Variants in CNTNAP2 observed in about 807,000 individuals in gnomAD.
CNTNAP2 encodes the protein contactin-associated protein-like 2.
A neutral mutation model predicts 155.2 loss-of-function variants in CNTNAP2; 98 were observed. That is an observed-to-expected ratio of 0.63 (90% CI 0.54 to 0.75). The LOEUF (loss-of-function observed/expected upper bound fraction) is 0.75. Among genes scored for constraint, CNTNAP2 ranks in the 30% least tolerant of loss-of-function variants. CNTNAP2 has a pLI of 0.00. For missense variants in CNTNAP2, 1,727 were observed against 1,688.1 expected (o/e 1.02, Z -0.40); for synonymous variants, 651 against 631.2 (o/e 1.03, Z -0.47).
intron 9 of CNTNAP2, among the ~76,000 whole-genome samples, chr7:147,339,485 G>C (rs1795722404): frequency 6.6e-6 from 1 of 152,140 alleles, no homozygotes; most frequent in Non-Finnish European, 1.5e-5. Context: ...CAGCTGCCCA[G>C]TCTTGAACTT....
intron 8 of CNTNAP2, 115 bp downstream of exon 8, chr7:147,132,624 G>T: frequency 7.4e-7 from 1 of 1,357,518 alleles, no homozygotes. Flanking sequence ...TTTTAATTCA[G>T]ATCTTCAAGA....
chr7:147,831,262 T>C (rs1466544976), intron 13 of CNTNAP2, among the ~76,000 whole-genome samples: 1 of 152,216 alleles, frequency 6.6e-6, no homozygotes, highest in African/African-American at 2.4e-5. Flanking sequence ...GGAAAAACCA[T>C]ATTTTAATAA....
chr7:147,359,710 A>G (rs1277304855), intron 9 of CNTNAP2, among the ~76,000 whole-genome samples: 1 of 152,098 alleles, frequency 6.6e-6, no homozygotes, highest in African/African-American at 2.4e-5. Context: ...GTCTTCTCTT[A>G]CTTGCTCACA....
intron 12 of CNTNAP2, among the ~76,000 whole-genome samples, chr7:147,581,540 A>G (rs1351808803): frequency 6.6e-6 from 1 of 152,206 alleles, no homozygotes; most frequent in Admixed American, 6.5e-5. Context: ...TCCTGGAAAT[A>G]AAGCCAATAT....
chr7:147,924,693 A>T (rs1800353333), intron 14 of CNTNAP2, among the ~76,000 whole-genome samples: 1 of 152,130 alleles, frequency 6.6e-6, no homozygotes, highest in Non-Finnish European at 1.5e-5. Context: ...GGAAGATGGA[A>T]CAGAGAAGGA....
At chr7:148,123,728 A>G (rs1208233282) in intron 16 of CNTNAP2, among the ~76,000 whole-genome samples, 12 of 147,124 alleles carry the variant, frequency 8.2e-5, no homozygotes, top group Admixed American at 8.0e-4. Context: ...AAGAAAAGAA[A>G]AAGGAAGAAA....
chr7:146,902,974 G>C (rs900768686), intron 3 of CNTNAP2, among the ~76,000 whole-genome samples: 2 of 152,218 alleles, frequency 1.3e-5, no homozygotes. Flanking sequence ...TACTCGAGTA[G>C]AGCATGCAGA....
At chr7:147,994,019 TAC>T (rs749545119) in intron 15 of CNTNAP2, among the ~76,000 whole-genome samples, 8 of 151,566 alleles carry the variant, frequency 5.3e-5, no homozygotes, top group South Asian at 2.1e-4. Flanking sequence ...CAATTACACA[TAC>T]ACACACACAC....
chr7:147,653,211 G>A (rs1314921239), intron 13 of CNTNAP2, among the ~76,000 whole-genome samples: 1 of 152,126 alleles, frequency 6.6e-6, no homozygotes, highest in East Asian at 1.9e-4. Flanking sequence ...TCAGACATAA[G>A]ATATGGAAAC....
chr7:146,986,019 A>G (rs1440841811), intron 3 of CNTNAP2, among the ~76,000 whole-genome samples: 8 of 151,922 alleles, frequency 5.3e-5, no homozygotes, highest in African/African-American at 1.2e-4. Flanking sequence ...TTTTATTTCC[A>G]TAGGTTATTG....
intron 8 of CNTNAP2, among the ~76,000 whole-genome samples, chr7:147,296,587 T>C (rs925045819): frequency 2.6e-5 from 4 of 152,252 alleles, no homozygotes; most frequent in Admixed American, 6.5e-5. Context: ...ACTTAAGATA[T>C]TCTTGTCAGA....
chr7:146,279,611 AAAT>A (rs1369758362), intron 1 of CNTNAP2, among the ~76,000 whole-genome samples: 1 of 152,086 alleles, frequency 6.6e-6, no homozygotes, highest in Non-Finnish European at 1.5e-5. Context: ...GTTAATGAAA[AAAT>A]AATTTGTTTA....
At chr7:148,184,175 G>A (rs930859053) in intron 18 of CNTNAP2, among the ~76,000 whole-genome samples, 1 of 152,156 alleles carries the variant, frequency 6.6e-6, no homozygotes, top group South Asian at 2.1e-4. Context: ...GCTCATGCCT[G>A]TTAATTCCAG....
chr7:147,116,314 A>T (rs1800988141), intron 5 of CNTNAP2, among the ~76,000 whole-genome samples: 1 of 152,136 alleles, frequency 6.6e-6, no homozygotes, highest in African/African-American at 2.4e-5. Context: ...TCAGGGATTG[A>T]CTTAAAAAAG....
chr7:147,314,804 A>G (rs1221109634), intron 9 of CNTNAP2, among the ~76,000 whole-genome samples: 1 of 151,144 alleles, frequency 6.6e-6, no homozygotes, highest in Non-Finnish European at 1.5e-5. Flanking sequence ...GTAAAGGGGG[A>G]ATTGCCCCTA....
chr7:148,097,850 A>G (rs914636618), intron 15 of CNTNAP2, among the ~76,000 whole-genome samples: 1 of 152,192 alleles, frequency 6.6e-6, no homozygotes, highest in East Asian at 1.9e-4. Context: ...TGTCAAAAAC[A>G]GAGCAAAGAA....
At chr7:147,653,727 T>C (rs1363064378) in intron 13 of CNTNAP2, among the ~76,000 whole-genome samples, 2 of 152,082 alleles carry the variant, frequency 1.3e-5, no homozygotes, top group Non-Finnish European at 2.9e-5. Context: ...GAACAAACAG[T>C]CCACTCTGCA....
At chr7:146,172,032 A>ATTTTTTTTTTTTT (rs61619996) in intron 1 of CNTNAP2, among the ~76,000 whole-genome samples, 2 of 67,612 alleles carry the variant, frequency 3.0e-5, no homozygotes, top group Non-Finnish European at 5.8e-5. Context: ...TGCTCTTAGT[A>ATTTTTTTTTTTTT]TTTTTTTTTT....
At chr7:147,963,377 T>C (rs1801146113) in intron 14 of CNTNAP2, among the ~76,000 whole-genome samples, 1 of 152,114 alleles carries the variant, frequency 6.6e-6, no homozygotes, top group Admixed American at 6.6e-5. Context: ...AATACAGTTC[T>C]TCCTAGAGGA....
Sources: allele counts gnomAD v4.1 joint callset (sites outside exome capture counted in the v4.1 genomes callset), GRCh38; gene constraint gnomAD v4.1.1; transcripts MANE v1.5; gene names NCBI Gene and HGNC (gene_info 2026-07-23, HGNC 2026-07-21).